Variants in SLC18A1 observed in about 807,000 individuals in gnomAD.
SLC18A1 encodes chromaffin granule amine transporter.
In SLC18A1, 69 loss-of-function variants were observed where a neutral mutation model predicts 53.7. The ratio of observed to expected loss-of-function variants is 1.28; its 90% CI spans 1.06 to 1.57. The LOEUF (loss-of-function observed/expected upper bound fraction) is 1.57. Among genes scored for constraint, SLC18A1 ranks in the 40% most tolerant of loss-of-function variants. The probability of loss-of-function intolerance (pLI) is 0.00; values close to 1 mark genes in which losing one functional copy is unlikely to be tolerated. For missense variants in SLC18A1, 932 were observed against 668.1 expected (o/e 1.40, Z -4.35); for synonymous variants, 320 against 248.1 (o/e 1.29, Z -2.72).
In SLC18A1 at chr8:20,179,140, C is replaced by A. The variant is rs375952046; in HGVS notation, c.469G>T (p.Val157Leu). ...AVMQLLVNPF[V>L]GPLTNRIGYH... ...AGATACCTGTTGGTGAGAGGGCCCA[C>A]GAATGGGTTGACCAGAAGTTGCATC... is the stretch of plus-strand genomic sequence containing the variant. Residue 157 changes from valine to leucine, a missense_variant, in exon 3 of 16, where the codon GTG (valine) becomes TTG (leucine). Val to Leu is a conservative substitution (Grantham distance 32). Transcript: ENST00000276373. 34 of 1,612,242 alleles carry A rather than the reference C, an allele frequency of 2.1e-5. 1 individual carries two copies. Among genetic ancestry groups the A allele is most frequent in the Non-Finnish European group, 2.8e-5 (33 of 1,178,850 alleles).
intron 10 of SLC18A1, among the ~76,000 whole-genome samples, chr8:20,155,600 CTCT>C (rs1196306711): frequency 1.3e-5 from 2 of 152,168 alleles, no homozygotes; most frequent in Non-Finnish European, 2.9e-5. Context: ...GCACCCCTAC[CTCT>C]TCTTCTGACC....
chr8:20,172,985 T>G (rs1563762564), intron 6 of SLC18A1, 51 bp downstream of exon 6: 1 of 1,339,430 alleles, frequency 7.5e-7, no homozygotes, highest in Admixed American at 2.0e-5. Flanking sequence ...GAACACCTGC[T>G]TCCTAGAGTC....
chr8:20,166,934 G>A (rs1209355200), intron 8 of SLC18A1, among the ~76,000 whole-genome samples: 1 of 152,156 alleles, frequency 6.6e-6, no homozygotes, highest in Non-Finnish European at 1.5e-5. Flanking sequence ...TGAGAAGGTG[G>A]CTGTCTGCAA....
In SLC18A1 at chr8:20,145,833, G is replaced by T. The variant is rs1432892150; in HGVS notation, c.1508C>A (p.Ala503Glu). Residue 503 changes from alanine (A) to glutamate (E), a missense_variant, in exon 16 of 16, where the codon GCA becomes GAA. Ala to Glu is a moderately radical substitution (Grantham distance 107). Transcript: ENST00000276373. ...AAATTCCTTCGTGGGCTTCTGGGTT[G>T]CATACATCCGGGTCTCCATGGGGCA... is the stretch of plus-strand genomic sequence containing the variant. ...QDCPMETRMY[A>E]TQKPTKEFPL... is the part of the protein sequence containing the mutation. 1.2e-6 allele frequency: 2 copies of T among 1,611,976 alleles called. No individual in the cohort carries two copies. Among genetic ancestry groups the T allele is most frequent in the South Asian group, 2.2e-5 (2 of 90,462 alleles).
At chr8:20,165,394 G>C (rs563470896) in intron 8 of SLC18A1, among the ~76,000 whole-genome samples, 1 of 152,216 alleles carries the variant, frequency 6.6e-6, no homozygotes, top group African/African-American at 2.4e-5. Context: ...CCATCAACAA[G>C]GTCAGAGTGG....
At chr8:20,170,607 A>C (rs111862728) in intron 8 of SLC18A1, among the ~76,000 whole-genome samples, 113 of 152,300 alleles carry the variant, frequency 7.4e-4, no homozygotes, top group African/African-American at 2.2e-3. Flanking sequence ...CTGTGACAGA[A>C]TGACAGTTAG....
chr8:20,177,704 T>A (rs7006986), intron 4 of SLC18A1, among the ~76,000 whole-genome samples: 96,941 of 151,866 alleles, frequency 0.64, 32,069 homozygotes, highest in Middle Eastern at 0.78. Flanking sequence ...AGAGCAGAGG[T>A]TCAGCAGGGC....
Position 20,149,678 on chromosome 8 carries a change from A to C in SLC18A1, c.1144T>G (p.Cys382Gly). Reference sequence around the variant, plus strand: ...CCCCCAGGTCTTCTTATACTTACACAGAGCAAGCTGGTACCTACTACCAGC... The same window carrying C: ...CCCCCAGGTCTTCTTATACTTACACCGAGCAAGCTGGTACCTACTACCAGC... ...GMLVVGTSLL[C>G]VPLAHNIFGL... The change falls in exon 12 of 16, where the codon TGT becomes GGT. Residue 382 changes from cysteine (C) to glycine (G), a missense_variant and splice_region_variant. Transcript: ENST00000276373. The C allele has an allele frequency of 6.2e-7, 1 of 1,612,978 alleles. No individual in the cohort carries two copies.
intron 15 of SLC18A1, 114 bp downstream of exon 15, chr8:20,147,144 G>C: frequency 9.0e-7 from 1 of 1,112,628 alleles, no homozygotes. Flanking sequence ...AAAGCAGAGA[G>C]AGTATCAACA....
chr8:20,174,116 C>G (rs2072195978), intron 5 of SLC18A1, among the ~76,000 whole-genome samples: 1 of 151,984 alleles, frequency 6.6e-6, no homozygotes, highest in Non-Finnish European at 1.5e-5. Flanking sequence ...GTTGCCCAGG[C>G]TGCCCGGGTT....
intron 10 of SLC18A1, among the ~76,000 whole-genome samples, 160 bp downstream of exon 10, chr8:20,164,709 C>T (rs778485082): frequency 2.0e-5 from 3 of 152,188 alleles, no homozygotes; most frequent in African/African-American, 4.8e-5. Flanking sequence ...GACTGCTTCT[C>T]TGAGGGACCA....
chr8:20,155,263 G>C (rs1192776247), intron 10 of SLC18A1, among the ~76,000 whole-genome samples: 1 of 152,132 alleles, frequency 6.6e-6, no homozygotes, highest in African/African-American at 2.4e-5. Context: ...GAGTAATATT[G>C]GATCACTTTT....
chr8:20,175,341 T>G (rs1475524807), intron 4 of SLC18A1: 2 of 152,208 alleles, frequency 1.3e-5, no homozygotes, highest in Non-Finnish European at 2.9e-5. Context: ...TGAGTCGACA[T>G]ACATCCTCAG....
At position 20,170,952 on chromosome 8, in the gene SLC18A1, C is replaced by T. The variant is rs187647259; in HGVS notation, c.858+151G>A. 37 of 725,842 alleles carry T rather than the reference C, an allele frequency of 5.1e-5. No homozygotes were observed. The East Asian group carries it at 7.9e-4, about 15-fold the overall frequency. The allele number at this position is 725,842 out of a possible 1,614,324, so 45.0% of individuals were successfully genotyped here. A position where few individuals can be genotyped will look rare whatever the true frequency, so the allele number is the denominator to read the frequency against. The stretch of plus-strand genomic sequence containing the variant: ...TCACTATCCCCCACACTACCTGAAA[C>T]GTAACCCTATCCTGGAATCCAAACA... On this transcript the variant is annotated intron_variant, in intron 8 of 15. Transcript: ENST00000276373.
intron 2 of SLC18A1, 69 bp from the exon 3 acceptor site, chr8:20,179,553 G>A: frequency 1.3e-6 from 2 of 1,528,596 alleles, no homozygotes; most frequent in East Asian, 2.3e-5. Flanking sequence ...AACTCAAGGG[G>A]CTAAGGACAG....
chr8:20,150,686 C>T lies in SLC18A1; in HGVS notation c.1074G>A (p.Val358=), dbSNP rs765930923. Residue 358 remains valine (V), a synonymous_variant, in exon 11 of 16, where the codon GTG becomes GTA. Coordinates refer to ENST00000276373, the MANE Select transcript of SLC18A1 (RefSeq NM_003053.4). ...SYLIGTNLFG[V]LANKMGRWLC... ...CATACCGACCCATCTTGTTGGCCAA[C>T]ACACCAAAGAGGTTGGTGCCAATGA... The T allele has an allele frequency of 6.2e-6, 10 of 1,614,056 alleles. No homozygotes were observed. The highest frequency in any genetic ancestry group is 6.8e-6 in the Non-Finnish European group (8 of 1,180,016).
chr8:20,166,197 A>G (rs923534951), intron 8 of SLC18A1, among the ~76,000 whole-genome samples: 2 of 150,672 alleles, frequency 1.3e-5, no homozygotes, highest in African/African-American at 2.4e-5. Flanking sequence ...ACTATAAAAT[A>G]CTGAAAACTA....
chr8:20,179,015 T>C (rs1017185708), intron 3 of SLC18A1, 106 bp downstream of exon 3: 5 of 1,355,130 alleles, frequency 3.7e-6, no homozygotes, highest in African/African-American at 1.5e-5. Context: ...CCCTGAGGAA[T>C]CATACAAGTG....
intron 10 of SLC18A1, among the ~76,000 whole-genome samples, chr8:20,155,630 C>A (rs2071665168): frequency 6.6e-6 from 1 of 152,200 alleles, no homozygotes; most frequent in Non-Finnish European, 1.5e-5. Context: ...TCCTGGGTTC[C>A]AACCATGACT....
Sources: gnomAD v4.1 joint callset for allele counts (sites outside exome capture counted in the v4.1 genomes callset) on GRCh38, gnomAD v4.1.1 for gene constraint, MANE v1.5 for transcripts, NCBI Gene and HGNC (gene_info 2026-07-23, HGNC 2026-07-21) for gene names.